Variants in DISP3 observed in about 807,000 individuals in gnomAD.
The protein encoded by DISP3 is protein dispatched homolog 3.
A neutral mutation model predicts 135.3 loss-of-function variants in DISP3; 101 were observed. That is an observed-to-expected ratio of 0.75 (90% CI 0.64 to 0.88). DISP3 has a LOEUF of 0.88. Among genes scored for constraint, DISP3 ranks in the 40% least tolerant of loss-of-function variants. The probability of loss-of-function intolerance (pLI) is 0.00; values close to 1 mark genes in which losing one functional copy is unlikely to be tolerated. For synonymous variants in DISP3, 856 were observed against 817.0 expected, an observed-to-expected ratio of 1.05 and a Z score of -0.81; for missense variants, 1,713 against 1,878.6, an observed-to-expected ratio of 0.91 and a Z score of 1.63.
At chr1:11,515,542 A>G (rs762227324) in intron 5 of DISP3, 39 bp downstream of exon 5, 11 of 1,566,562 alleles carry the variant, frequency 7.0e-6, no homozygotes, top group East Asian at 2.2e-5. Flanking sequence ...CGCCTCCCAC[A>G]TGGGAAGTCT....
rs879685852 is a variant in DISP3, at chr1:11,529,542, C to T, written c.2799-14C>T. ...GCCTTTCCGGCCTCAGCCCAGCCTC[C>T]ATTCCCTCCACAGGAAGCTGTACTT... is the stretch of plus-strand genomic sequence containing the variant. On this transcript the variant is annotated splice_polypyrimidine_tract_variant and intron_variant, in intron 13 of 20. Transcript: ENST00000294484. This position sits in a 1 kb window ranked among gnomAD's most constrained non-coding sequence, Gnocchi z 4.7. The T allele has an allele frequency of 5.2e-6, 8 of 1,544,286 alleles. No homozygotes were observed. The highest frequency in any genetic ancestry group is 7.0e-6 in the Non-Finnish European group (8 of 1,142,766).
intron 6 of DISP3, among the ~76,000 whole-genome samples, chr1:11,517,167 G>GCTA (rs1468860788): frequency 5.3e-5 from 8 of 152,230 alleles, no homozygotes; most frequent in African/African-American, 1.9e-4. Context: ...CGTAATGACA[G>GCTA]CTACTGACCA....
chr1:11,496,385 A>G (rs1641334396), intron 1 of DISP3, among the ~76,000 whole-genome samples: 2 of 152,174 alleles, frequency 1.3e-5, no homozygotes, highest in African/African-American at 2.4e-5. Flanking sequence ...ACAGAGACAG[A>G]GGCAGAGAGA....
In DISP3 at chr1:11,516,273, A is replaced by C; in HGVS notation, c.1749+112A>C. The C allele has an allele frequency of 7.6e-7, 1 of 1,313,464 alleles. No homozygotes were observed. The allele number at this position is 1,313,464 out of a possible 1,614,324, so 81.4% of individuals were successfully genotyped here. ...TGAGTGGCCATATAGCCTTCACCTC[A>C]AGGTACTTGCCCTGGCTCTAGAGTT... On this transcript the variant is annotated intron_variant, in intron 6 of 20. Coordinates refer to ENST00000294484, the MANE Select transcript of DISP3 (RefSeq NM_020780.2). This position sits in a 1 kb window ranked among gnomAD's most constrained non-coding sequence, Gnocchi z 5.1.
At chr1:11,522,673 A>T (rs374654676) in intron 10 of DISP3, among the ~76,000 whole-genome samples, 1 of 74,314 alleles carries the variant, frequency 1.3e-5, no homozygotes, top group Non-Finnish European at 2.6e-5. Context: ...CCCAGCCAGG[A>T]CCCAGCCAGA....
At chr1:11,503,794 G>A (rs910265769) in intron 3 of DISP3, among the ~76,000 whole-genome samples, 3 of 152,170 alleles carry the variant, frequency 2.0e-5, no homozygotes, top group Non-Finnish European at 4.4e-5. Context: ...TACCCAGGGA[G>A]GTAATGGGCA....
intron 11 of DISP3, 57 bp downstream of exon 11, chr1:11,524,112 C>G: frequency 7.7e-7 from 1 of 1,292,560 alleles, no homozygotes; most frequent in South Asian, 1.2e-5. Flanking sequence ...GTTGAAGGCC[C>G]TGTAAGGAGA....
chr1:11,501,803 G>T lies in DISP3; in HGVS notation c.811G>T (p.Ala271Ser). Residue 271 changes from alanine to serine, a missense_variant, in exon 2 of 21, where the codon GCG (alanine) becomes TCG (serine). Ala to Ser is a moderately conservative substitution (Grantham distance 99). Around this residue, in one of 2 missense-constraint regions of DISP3, gnomAD observed 571 missense variants for 494.1 expected, o/e 1.16. Coordinates refer to ENST00000294484, the MANE Select transcript of DISP3 (RefSeq NM_020780.2). The surrounding 1 kb of genome is among the most constrained non-coding windows in gnomAD (Gnocchi z 4.9). Reference sequence around the variant, plus strand: ...TGTGAGTGCCAACACTCAGACGCACGCGCACTGGCGCATCGAGCTCATCTT... The same window carrying T: ...TGTGAGTGCCAACACTCAGACGCACTCGCACTGGCGCATCGAGCTCATCTT... ...AYVSANTQTH[A>S]HWRIELIFLA... 2.5e-6 allele frequency: 4 copies of T among 1,606,498 alleles called. No homozygotes were observed. Among genetic ancestry groups the T allele is most frequent in the Non-Finnish European group, 3.4e-6 (4 of 1,175,882 alleles).
intron 2 of DISP3, 70 bp from the exon 3 acceptor site, chr1:11,502,608 A>G: frequency 7.9e-7 from 1 of 1,265,520 alleles, no homozygotes; most frequent in South Asian, 1.4e-5. Context: ...ATGAGACTGG[A>G]TGACCTTGAG....
At position 11,519,299 on chromosome 1, in the gene DISP3, C is replaced by A; in HGVS notation, c.1890-56C>A. 6.4e-7 allele frequency: 1 copy of A among 1,570,008 alleles called. No individual in the cohort carries two copies. On this transcript the variant is annotated intron_variant, in intron 7 of 20. Coordinates refer to ENST00000294484, the MANE Select transcript of DISP3 (RefSeq NM_020780.2). The surrounding 1 kb of genome is among the most constrained non-coding windows in gnomAD (Gnocchi z 4.3). Reference sequence around the variant, plus strand: ...TCTGATCCTCAGGGCCCTGCCCCACCCTCCCTGGGTACCCAGGACCCTCTG... The same window carrying A: ...TCTGATCCTCAGGGCCCTGCCCCACACTCCCTGGGTACCCAGGACCCTCTG...
chr1:11,515,341 G>A (rs12135502), intron 4 of DISP3, 28 bp from the exon 5 acceptor site: 136,266 of 1,613,216 alleles, frequency 0.084, 7,827 homozygotes, highest in African/African-American at 0.24. Context: ...TCCCCCCACC[G>A]TCTCCCTGTG....
chr1:11,533,897 G>A (rs1642639859), intron 17 of DISP3: 1 of 716,026 alleles, frequency 1.4e-6, no homozygotes, highest in Admixed American at 2.0e-5. Context: ...GGCCAGCCAG[G>A]CTGCTCCTGC....
chr1:11,520,695 G>A lies in DISP3; in HGVS notation c.2209G>A (p.Val737Ile), dbSNP rs757088901. Reference sequence around the variant, plus strand: ...GCGCCCTTTCCTCACAGGGCTGTTCGTCTCCATCCTCATCTTGTCCCTGGT... The same window carrying A: ...GCGCCCTTTCCTCACAGGGCTGTTCATCTCCATCCTCATCTTGTCCCTGGT... ...KSRWVIVGLFVSILILSLVFA... is the reference protein window; with the variant it reads ...KSRWVIVGLFISILILSLVFA... The change falls in exon 10 of 21, where the codon GTC (valine) becomes ATC (isoleucine). Residue 737 changes from valine to isoleucine, a missense_variant. Transcript: ENST00000294484. This position sits in a 1 kb window ranked among gnomAD's most constrained non-coding sequence, Gnocchi z 4.8. The A allele has an allele frequency of 1.4e-5, 22 of 1,612,940 alleles. No individual in the cohort carries two copies. Among genetic ancestry groups the A allele is most frequent in the Middle Eastern group, 3.3e-4 (2 of 6,076 alleles).
At position 11,491,900 on chromosome 1, in the gene DISP3, A is replaced by T. The variant is rs1570063747; in HGVS notation, c.-3-9090A>T. Among the ~76,000 whole-genome samples, 2 of 151,836 alleles carry T rather than the reference A, an allele frequency of 1.3e-5. No individual in the cohort carries two copies. Among genetic ancestry groups the T allele is most frequent in the South Asian group, 4.2e-4 (2 of 4,812 alleles). On this transcript the variant is annotated intron_variant, in intron 1 of 20. Coordinates refer to ENST00000294484, the MANE Select transcript of DISP3 (RefSeq NM_020780.2). The surrounding 1 kb of genome is among the most constrained non-coding windows in gnomAD (Gnocchi z 4.3). ...CACTTTGGGAGGCCGAGGCGGGCGGATCACGAGGTCAGGAGATCGAGACCA... is the reference window on the plus strand; with the variant it reads ...CACTTTGGGAGGCCGAGGCGGGCGGTTCACGAGGTCAGGAGATCGAGACCA...
At chr1:11,513,799 G>T (rs2100447400) in intron 3 of DISP3, among the ~76,000 whole-genome samples, 1 of 152,254 alleles carries the variant, frequency 6.6e-6, no homozygotes, top group East Asian at 1.9e-4. Context: ...ATCTCTCAGG[G>T]ATCGTCATCC....
In DISP3 at chr1:11,529,226, C is replaced by T. The variant is rs1433072551; in HGVS notation, c.2799-330C>T. 6.6e-6 allele frequency among the ~76,000 whole-genome samples: 1 copy of T among 152,062 alleles called. No homozygotes were observed. Among genetic ancestry groups the T allele is most frequent in the African/African-American group, 2.4e-5 (1 of 41,374 alleles). ...GTTGGCCCTGGGGGTCCCTCCTGAA[C>T]CCTCGTACCCCCGGGGGACAGTTTG... On this transcript the variant is annotated intron_variant, in intron 13 of 20. Transcript: ENST00000294484. This position sits in a 1 kb window ranked among gnomAD's most constrained non-coding sequence, Gnocchi z 4.7.
At chr1:11,495,966 A>G (rs1430043965) in intron 1 of DISP3, among the ~76,000 whole-genome samples, 1 of 152,236 alleles carries the variant, frequency 6.6e-6, no homozygotes, top group African/African-American at 2.4e-5. Flanking sequence ...AATAACATTT[A>G]TTTCTGATTC....
chr1:11,515,255 G>A, intron 4 of DISP3, 114 bp from the exon 5 acceptor site: 4 of 1,397,588 alleles, frequency 2.9e-6, no homozygotes, highest in Non-Finnish European at 3.9e-6. Flanking sequence ...AGTGGTGAAT[G>A]GTGACCAGGG....
At chr1:11,530,101 A>C in intron 15 of DISP3, 142 bp downstream of exon 15, 3 of 1,152,598 alleles carry the variant, frequency 2.6e-6, no homozygotes, top group Non-Finnish European at 2.4e-6. Flanking sequence ...CAGAACCCCT[A>C]TGGGCCCCTG....
Sources: allele counts gnomAD v4.1 joint callset (sites outside exome capture counted in the v4.1 genomes callset), GRCh38; gene constraint gnomAD v4.1.1; regional missense constraint gnomAD v4.1.1; non-coding constraint Gnocchi (gnomAD v3.1); transcripts MANE v1.5; gene names NCBI Gene and HGNC (gene_info 2026-07-23, HGNC 2026-07-21).